The following TACC2 variants were observed in gnomAD, a reference collection of about 807,000 sequenced individuals.
TACC2 encodes transforming acidic coiled-coil-containing protein 2.
A neutral mutation model predicts 227.3 loss-of-function variants in TACC2; 137 were observed. That is an observed-to-expected ratio of 0.60 (90% CI 0.52 to 0.69). TACC2 has a LOEUF of 0.69. Ranked by LOEUF, TACC2 falls within the 30% of genes least tolerant of loss-of-function variation. TACC2 has a pLI of 0.00. For missense variants in TACC2, 3,470 were observed against 3,694.4 expected (o/e 0.94, Z 1.57); for synonymous variants, 1,523 against 1,487.5 (o/e 1.02, Z -0.55).
At chr10:122,142,630 C>T (rs1479656859) in intron 6 of TACC2, among the ~76,000 whole-genome samples, 3 of 152,228 alleles carry the variant, frequency 2.0e-5, no homozygotes, top group South Asian at 4.1e-4. Context: ...TGTTTACCCG[C>T]AGAGGGAAGC....
chr10:122,093,956 A>G (rs1420628539), intron 5 of TACC2, among the ~76,000 whole-genome samples: 1 of 152,190 alleles, frequency 6.6e-6, no homozygotes, highest in East Asian at 1.9e-4. Flanking sequence ...AAACTGGATG[A>G]GCGTCTGTCT....
chr10:122,061,012 AAAAAAAAGGGGG>A (rs1358653674), intron 3 of TACC2, among the ~76,000 whole-genome samples: 4 of 46,882 alleles, frequency 8.5e-5, no homozygotes, highest in Non-Finnish European at 7.3e-5. Flanking sequence ...AAAAAAAAAA[AAAAAAAAGGGGG>A]GGGGGCCAGG....
At chr10:122,195,554 A>G (rs2094538290) in intron 8 of TACC2, among the ~76,000 whole-genome samples, 1 of 152,160 alleles carries the variant, frequency 6.6e-6, no homozygotes, top group Admixed American at 6.5e-5. Context: ...TGGGGAAGGA[A>G]GGTAGTCAGT....
At chr10:122,220,489 C>T (rs74372748) in intron 11 of TACC2, among the ~76,000 whole-genome samples, 1 of 152,156 alleles carries the variant, frequency 6.6e-6, no homozygotes, top group African/African-American at 2.4e-5. Flanking sequence ...CTCGCTAACA[C>T]ACCCAGGGTC....
chr10:122,023,830 A>G (rs1282074991), intron 2 of TACC2: 1 of 150,144 alleles, frequency 6.7e-6, no homozygotes, highest in African/African-American at 2.5e-5. Flanking sequence ...GGGGGGGAAA[A>G]AAAAAGACTG....
intron 3 of TACC2, among the ~76,000 whole-genome samples, chr10:122,073,999 C>T (rs1288820629): frequency 6.6e-6 from 1 of 151,520 alleles, no homozygotes; most frequent in Non-Finnish European, 1.5e-5. Flanking sequence ...CCAGGATGGT[C>T]TGGATCTCCT....
chr10:122,104,358 T>C (rs2082506409), intron 5 of TACC2, among the ~76,000 whole-genome samples: 1 of 152,138 alleles, frequency 6.6e-6, no homozygotes, highest in Non-Finnish European at 1.5e-5. Context: ...AATGGCTTCA[T>C]TTTTATTTTA....
intron 6 of TACC2, among the ~76,000 whole-genome samples, chr10:122,134,029 A>G (rs575829665): frequency 1.3e-5 from 2 of 152,042 alleles, no homozygotes; most frequent in Non-Finnish European, 2.9e-5. Flanking sequence ...CAAAACTAGG[A>G]GGAGGTACCT....
chr10:122,143,064 C>A (rs1011713443), intron 6 of TACC2, among the ~76,000 whole-genome samples: 2 of 152,190 alleles, frequency 1.3e-5, no homozygotes, highest in East Asian at 3.9e-4. Context: ...CCCCAGGACA[C>A]GGGTGGCCCA....
rs1276851285 is a variant in TACC2 at position 122,253,999 on chromosome 10, A to G, written c.8790A>G (p.Glu2930=). 1 of 1,614,028 alleles carries G rather than the reference A, an allele frequency of 6.2e-7. No homozygotes were observed. Among genetic ancestry groups the G allele is most frequent in the Non-Finnish European group, 8.5e-7 (1 of 1,179,892 alleles). ...CTTGTCTTCACTTGCAGAATAAAGA[A>G]ATAGAAGAACTCACCAAGATTTGTG... ...LERTLEQKNK[E]IEELTKICDE... is the part of the protein sequence containing the mutation. The change falls in exon 23 of 23, where the codon GAA becomes GAG. Residue 2930 remains glutamate, a synonymous_variant. Coordinates refer to ENST00000369005, the MANE Select transcript of TACC2 (RefSeq NM_206862.4).
intron 1 of TACC2, among the ~76,000 whole-genome samples, chr10:121,995,167 G>A (rs533264528): frequency 6.6e-6 from 1 of 152,312 alleles, no homozygotes; most frequent in African/African-American, 2.4e-5. Context: ...TGTTTGCACA[G>A]GTATTTCTCT....
chr10:122,103,968 C>T (rs1370932262), intron 5 of TACC2, among the ~76,000 whole-genome samples: 1 of 152,136 alleles, frequency 6.6e-6, no homozygotes. Flanking sequence ...CAGCTCATGG[C>T]CCTAAGTGAC....
chr10:122,052,283 C>G (rs143624762), intron 3 of TACC2: 2,641 of 152,194 alleles, frequency 0.017, 34 homozygotes, highest in African/African-American at 0.029. Context: ...GGGAATTGCT[C>G]GAGGCCTGTG....
chr10:122,083,858 C>A lies in TACC2; in HGVS notation c.1358C>A (p.Ser453Tyr). 1 of 1,614,176 alleles carries A rather than the reference C, an allele frequency of 6.2e-7. No individual in the cohort carries two copies. Among genetic ancestry groups the A allele is most frequent in the South Asian group, 1.1e-5 (1 of 91,082 alleles). Residue 453 changes from serine to tyrosine, a missense_variant, in exon 4 of 23, where the codon TCT becomes TAT. Coordinates refer to ENST00000369005, the MANE Select transcript of TACC2 (RefSeq NM_206862.4). Reference sequence around the variant, plus strand: ...GTTTCCAAGGCTGGGATGCCAGTTTCTGCAGATGCAGCCAAAGAGGTGGTG... The same window carrying A: ...GTTTCCAAGGCTGGGATGCCAGTTTATGCAGATGCAGCCAAAGAGGTGGTG... ...ESVSKAGMPV[S>Y]ADAAKEVVDA... is the part of the protein sequence containing the mutation.
intron 5 of TACC2, among the ~76,000 whole-genome samples, chr10:122,094,899 A>C (rs1437331123): frequency 6.6e-6 from 1 of 152,176 alleles, no homozygotes; most frequent in Admixed American, 6.5e-5. Context: ...CATTATGGCC[A>C]CCGGTAGAAG....
At chr10:122,159,155 A>T (rs2092672179) in intron 7 of TACC2, among the ~76,000 whole-genome samples, 5 of 152,186 alleles carry the variant, frequency 3.3e-5, no homozygotes, top group Admixed American at 3.3e-4. Flanking sequence ...GCAGAAGTTG[A>T]GGAGGGGGCA....
intron 1 of TACC2, among the ~76,000 whole-genome samples, chr10:122,020,033 G>A (rs1187709806): frequency 6.6e-6 from 1 of 152,004 alleles, no homozygotes; most frequent in Admixed American, 6.6e-5. Flanking sequence ...GAGTTTTGCC[G>A]GTCTCTTTAG....
At chr10:122,246,283 C>G (rs1426481345) in intron 19 of TACC2, among the ~76,000 whole-genome samples, 1 of 152,128 alleles carries the variant, frequency 6.6e-6, no homozygotes, top group Non-Finnish European at 1.5e-5. Context: ...AAATGAGGTG[C>G]TGGGACCCTA....
intron 8 of TACC2, among the ~76,000 whole-genome samples, chr10:122,208,908 T>A (rs1369780251): frequency 6.6e-6 from 1 of 152,246 alleles, no homozygotes; most frequent in Non-Finnish European, 1.5e-5. Flanking sequence ...TTTTCTGGCA[T>A]CCTTGACTGC....
Sources: gnomAD v4.1 joint callset for allele counts (sites outside exome capture counted in the v4.1 genomes callset) on GRCh38, gnomAD v4.1.1 for gene constraint, MANE v1.5 for transcripts, NCBI Gene and HGNC (gene_info 2026-07-23, HGNC 2026-07-21) for gene names.